Variants in AIG1 observed in about 807,000 individuals in gnomAD.
AIG1 encodes androgen induced 1.
Under a neutral mutation model 31.4 loss-of-function variants are expected in AIG1, and 23 were observed. The observed-to-expected ratio is 0.73, with a 90% CI of 0.53 to 1.04. The LOEUF is 1.04. Ranked by LOEUF, AIG1 falls within the 50% of genes least tolerant of loss-of-function variation. AIG1 has a pLI of 0.00. For missense variants in AIG1, 274 were observed against 295.0 expected (o/e 0.93, Z 0.52); for synonymous variants, 100 against 110.5 (o/e 0.90, Z 0.60).
chr6:143,180,310 G>A (rs964862480), intron 3 of AIG1, among the ~76,000 whole-genome samples: 3 of 152,188 alleles, frequency 2.0e-5, no homozygotes, highest in Non-Finnish European at 4.4e-5. Flanking sequence ...AGTTTTAAAG[G>A]TTGGAAATGG....
In AIG1 at chr6:143,303,947, T is replaced by C. The variant is rs1799041460; in HGVS notation, c.515+19722T>C. On this transcript the variant is annotated intron_variant, in intron 4 of 5. Transcript: ENST00000357847. ...TCCTTGAAGAGGTGCTTCACATCCCTTGTAAATTGGATTCCTAGGTATTTT... is the reference window on the plus strand; with the variant it reads ...TCCTTGAAGAGGTGCTTCACATCCCCTGTAAATTGGATTCCTAGGTATTTT... Among the ~76,000 whole-genome samples the C allele has an allele frequency of 2.0e-5, 3 of 148,158 alleles. No homozygotes were observed. The South Asian group carries it at 6.6e-4, about 32-fold the overall frequency.
intron 1 of AIG1, chr6:143,061,417 A>G: frequency 2.4e-6 from 1 of 409,370 alleles, no homozygotes; most frequent in Non-Finnish European, 4.9e-6. Context: ...ATCGGACCTG[A>G]TCCTGAATGG....
chr6:143,110,072 A>AT (rs1229358275), intron 1 of AIG1, among the ~76,000 whole-genome samples: 6 of 152,094 alleles, frequency 3.9e-5, no homozygotes, highest in Non-Finnish European at 8.8e-5. Context: ...GGCAAGGATC[A>AT]TTTTTTCTCA....
chr6:143,189,600 TATTTCATTG>T, intron 3 of AIG1: 2 of 985,434 alleles, frequency 2.0e-6, no homozygotes, highest in Non-Finnish European at 2.4e-6. Flanking sequence ...AACTCAGAAA[TATTTCATTG>T]TTTTACCCTA....
At position 143,165,138 on chromosome 6, in the gene AIG1, G is replaced by A. The variant is rs751681589; in HGVS notation, c.354G>A (p.Pro118=). 1.4e-5 allele frequency: 22 copies of A among 1,613,566 alleles called. No individual in the cohort carries two copies. The highest frequency in any genetic ancestry group is 9.9e-5 in the South Asian group (9 of 91,076). ...IYAYDREMIY[P]KLLDNFIPGW... ...CCTATGACAGAGAGATGATATACCC[G>A]AAGCTGCTGGATAATTTTATCCCAG... Residue 118 remains proline (P), a synonymous_variant, in exon 3 of 6, where the codon CCG becomes CCA. Transcript: ENST00000357847.
At chr6:143,063,708 G>C (rs1776456740) in intron 1 of AIG1, among the ~76,000 whole-genome samples, 1 of 151,672 alleles carries the variant, frequency 6.6e-6, no homozygotes, top group Non-Finnish European at 1.5e-5. Context: ...AAATTGTAAT[G>C]TGAAGGCCCT....
At chr6:143,249,179 A>G (rs1258130956) in intron 3 of AIG1, among the ~76,000 whole-genome samples, 1 of 152,234 alleles carries the variant, frequency 6.6e-6, no homozygotes, top group Non-Finnish European at 1.5e-5. Flanking sequence ...GCAGAAGAAA[A>G]TCCTAAAGCT....
intron 1 of AIG1, among the ~76,000 whole-genome samples, chr6:143,122,164 G>A (rs1248958563): frequency 2.6e-5 from 4 of 152,144 alleles, no homozygotes; most frequent in Non-Finnish European, 5.9e-5. Context: ...GTTTCCAGAT[G>A]AGTACTGCTT....
chr6:143,322,812 A>G lies in AIG1; in HGVS notation c.516-10470A>G, dbSNP rs116505895. ...ATTACAGGAATTCATTCTGGGAGGC[A>G]TTCACAATTTGCCTCTTTCTCCAGG... On this transcript the variant is annotated intron_variant, in intron 4 of 5. Coordinates refer to ENST00000357847, the MANE Select transcript of AIG1 (RefSeq NM_016108.4). 5.9e-3 allele frequency among the ~76,000 whole-genome samples: 896 copies of G among 152,350 alleles called. 7 individuals are homozygous for G. Among genetic ancestry groups the G allele is most frequent in the African/African-American group, 0.019 (794 of 41,572 alleles).
rs1464855113 is a variant in AIG1 at position 143,298,189 on chromosome 6, C to T, written c.515+13964C>T. Among the ~76,000 whole-genome samples the T allele has an allele frequency of 2.0e-5, 3 of 152,174 alleles. No individual in the cohort carries two copies. Among genetic ancestry groups the T allele is most frequent in the Non-Finnish European group, 4.4e-5 (3 of 68,034 alleles). ...CAATTCATTCATAAATTCTTGCCAGCCTCTGGAGAAATCCAGGAATTGTCA... is the reference window on the plus strand; with the variant it reads ...CAATTCATTCATAAATTCTTGCCAGTCTCTGGAGAAATCCAGGAATTGTCA... On this transcript the variant is annotated intron_variant, in intron 4 of 5. Transcript: ENST00000357847. This position sits in a 1 kb window ranked among gnomAD's most constrained non-coding sequence, Gnocchi z 5.1.
chr6:143,303,989 T>C (rs1283077120), intron 4 of AIG1, among the ~76,000 whole-genome samples: 1 of 146,724 alleles, frequency 6.8e-6, no homozygotes, highest in Non-Finnish European at 1.5e-5. Context: ...TTTGAAGCAA[T>C]TGTGAATGGG....
At chr6:143,185,587 T>G (rs1789187173) in intron 3 of AIG1, among the ~76,000 whole-genome samples, 1 of 152,238 alleles carries the variant, frequency 6.6e-6, no homozygotes, top group Non-Finnish European at 1.5e-5. Flanking sequence ...ATCCCTTATT[T>G]ATGAGCCTCT....
At chr6:143,153,446 C>G (rs1488897716) in intron 2 of AIG1, among the ~76,000 whole-genome samples, 1 of 152,214 alleles carries the variant, frequency 6.6e-6, no homozygotes, top group Non-Finnish European at 1.5e-5. Flanking sequence ...CTCCCGGGTT[C>G]AAGTGATTCT....
chr6:143,238,508 G>C (rs974273928), intron 3 of AIG1, among the ~76,000 whole-genome samples: 1 of 152,178 alleles, frequency 6.6e-6, no homozygotes, highest in African/African-American at 2.4e-5. Context: ...CATATGTTGA[G>C]CCTAAGCCAA....
chr6:143,219,552 C>G (rs989477943), intron 3 of AIG1, among the ~76,000 whole-genome samples: 1 of 152,186 alleles, frequency 6.6e-6, no homozygotes, highest in African/African-American at 2.4e-5. Context: ...AGCAACGCAA[C>G]TCAGTTTTCA....
At chr6:143,259,253 T>C (rs1334662520) in intron 3 of AIG1, among the ~76,000 whole-genome samples, 2 of 152,238 alleles carry the variant, frequency 1.3e-5, no homozygotes, top group African/African-American at 4.8e-5. Flanking sequence ...TATTATGTTA[T>C]AGCAACACAA....
intron 4 of AIG1, among the ~76,000 whole-genome samples, chr6:143,311,668 C>G (rs913292486): frequency 5.9e-5 from 9 of 151,768 alleles, no homozygotes; most frequent in African/African-American, 2.2e-4. Context: ...AGAACTCCCT[C>G]AAGTTGATGA....
Position 143,263,376 on chromosome 6 carries a change from G to C in AIG1, c.400-20734G>C, listed in dbSNP as rs1795942418. The stretch of plus-strand genomic sequence containing the variant: ...AACATGCCGATTTGCCCTTTCTCCT[G>C]CTCATCTGCTCAGCTTATTATAAGC... On this transcript the variant is annotated intron_variant, in intron 3 of 5. Transcript: ENST00000357847. Among the ~76,000 whole-genome samples, 3 of 149,522 alleles carry C rather than the reference G, an allele frequency of 2.0e-5. No individual in the cohort carries two copies. In the South Asian group the frequency reaches 6.3e-4, roughly 31 times the overall value.
rs11556575 is a variant in AIG1, at chr6:143,061,019, C to G, written c.94C>G (p.His32Asp). 1.2e-6 allele frequency: 2 copies of G among 1,613,652 alleles called. No individual in the cohort carries two copies. The highest frequency in any genetic ancestry group is 4.5e-5 in the East Asian group (2 of 44,844). The change falls in exon 1 of 6, where the codon CAC (histidine) becomes GAC (aspartate). Residue 32 changes from histidine (H) to aspartate (D), a missense_variant. His to Asp is a moderately conservative substitution (Grantham distance 81). Coordinates refer to ENST00000357847, the MANE Select transcript of AIG1 (RefSeq NM_016108.4). ...CNYKAIEMPSHQTYGGSWKFL... is the reference protein window; with the variant it reads ...CNYKAIEMPSDQTYGGSWKFL... The stretch of plus-strand genomic sequence containing the variant: ...CTACAAGGCCATCGAAATGCCCTCA[C>G]ACCAGACCTACGGAGGGAGCTGGAA...
Sources: allele counts gnomAD v4.1 joint callset (sites outside exome capture counted in the v4.1 genomes callset), GRCh38; gene constraint gnomAD v4.1.1; non-coding constraint Gnocchi (gnomAD v3.1); transcripts MANE v1.5; gene names NCBI Gene and HGNC (gene_info 2026-07-23, HGNC 2026-07-21).